The following DLGAP1 variants were observed in gnomAD, a reference collection of about 807,000 sequenced individuals.
DLGAP1 encodes DLG associated protein 1, also known as disks large-associated protein 1.
Under a neutral mutation model 90.8 loss-of-function variants are expected in DLGAP1, and 11 were observed. The observed-to-expected ratio is 0.12, with a 90% confidence interval of 0.08 to 0.20. The LOEUF is 0.20. DLGAP1 is among the 10% of genes least tolerant of loss of function. The pLI is 1.00. For synonymous variants in DLGAP1, 558 were observed against 540.7 expected (o/e 1.03, Z -0.44); for missense variants, 1,050 against 1,333.8 (o/e 0.79, Z 3.31).
chr18:4,177,128 C>T (rs779718929), intron 1 of DLGAP1, among the ~76,000 whole-genome samples: 4 of 152,040 alleles, frequency 2.6e-5, no homozygotes, highest in East Asian at 1.9e-4. Context: ...GCAGATTGTG[C>T]GAGGCTCCCT....
chr18:4,207,249 C>T (rs922387593), intron 1 of DLGAP1, among the ~76,000 whole-genome samples: 3 of 152,160 alleles, frequency 2.0e-5, no homozygotes, highest in African/African-American at 7.2e-5. Context: ...GAAGCAAACA[C>T]ATCCCTCACA....
intron 4 of DLGAP1, among the ~76,000 whole-genome samples, chr18:3,831,524 A>G (rs969718575): frequency 2.0e-5 from 3 of 152,212 alleles, no homozygotes; most frequent in Non-Finnish European, 2.9e-5. Context: ...ATGTCTGCCA[A>G]TATAGAATTC....
At chr18:4,054,052 G>C (rs1480392358) in intron 2 of DLGAP1, among the ~76,000 whole-genome samples, 1 of 152,190 alleles carries the variant, frequency 6.6e-6, no homozygotes, top group Non-Finnish European at 1.5e-5. Context: ...TGAGGTCAAA[G>C]GGCAGTGTGA....
intron 1 of DLGAP1, among the ~76,000 whole-genome samples, chr18:4,161,622 T>G (rs2076847290): frequency 6.6e-6 from 1 of 152,134 alleles, no homozygotes; most frequent in Non-Finnish European, 1.5e-5. Context: ...TTTTAAAAAA[T>G]CAGGTTGGTG....
chr18:3,712,749 A>C (rs2061636639), intron 7 of DLGAP1, among the ~76,000 whole-genome samples: 1 of 152,206 alleles, frequency 6.6e-6, no homozygotes, highest in Non-Finnish European at 1.5e-5. Context: ...CATATGGGAA[A>C]ATGAAGGAGG....
At chr18:3,979,902 G>A (rs1007392718) in intron 3 of DLGAP1, among the ~76,000 whole-genome samples, 3 of 152,226 alleles carry the variant, frequency 2.0e-5, no homozygotes, top group Non-Finnish European at 4.4e-5. Flanking sequence ...TTGGGAAGCC[G>A]AGGCAGGTGG....
chr18:3,688,932 T>C (rs1418418882), intron 7 of DLGAP1, among the ~76,000 whole-genome samples: 2 of 152,184 alleles, frequency 1.3e-5, no homozygotes, highest in East Asian at 3.9e-4. Flanking sequence ...ATACTGGGAA[T>C]GCTGTCATGG....
chr18:4,329,291 G>A (rs2080895703), intron 1 of DLGAP1, among the ~76,000 whole-genome samples: 1 of 151,716 alleles, frequency 6.6e-6, no homozygotes, highest in African/African-American at 2.4e-5. Flanking sequence ...ATTACCCTGG[G>A]TCCTTTGTTA....
At chr18:4,266,010 A>G (rs2079123825) in intron 1 of DLGAP1, among the ~76,000 whole-genome samples, 1 of 152,058 alleles carries the variant, frequency 6.6e-6, no homozygotes, top group South Asian at 2.1e-4. Flanking sequence ...AACACTGAAT[A>G]GTTCAGTATG....
chr18:4,197,939 T>A (rs1164422697), intron 1 of DLGAP1, among the ~76,000 whole-genome samples: 1 of 152,020 alleles, frequency 6.6e-6, no homozygotes. Context: ...CCTATTCTTG[T>A]GGCCAGGCGC....
chr18:3,670,096 C>T lies in DLGAP1; in HGVS notation c.1591+59039G>A. Among the ~76,000 whole-genome samples the T allele has an allele frequency of 2.0e-5, 3 of 152,192 alleles. No homozygotes were observed. The Middle Eastern group carries it at 0.01, about 518-fold the overall frequency. On this transcript the variant is annotated intron_variant, in intron 7 of 12. Transcript: ENST00000315677. ...GATAGGAAAAGAGTATATTGTTTTA[C>T]AACAAAACAAAACAAAACAAACCCC...
At chr18:3,776,482 A>G (rs951548695) in intron 5 of DLGAP1, among the ~76,000 whole-genome samples, 2 of 152,120 alleles carry the variant, frequency 1.3e-5, no homozygotes, top group African/African-American at 2.4e-5. Context: ...GGCCTCTTGG[A>G]TGAACAAATG....
At chr18:4,072,467 T>C (rs11663523) in intron 2 of DLGAP1, among the ~76,000 whole-genome samples, 80,061 of 144,760 alleles carry the variant, frequency 0.55, 22,287 homozygotes, top group Non-Finnish European at 0.64. Flanking sequence ...ATTTTCAACA[T>C]CATTATCTTT....
At chr18:4,145,661 G>C (rs1360529854) in intron 2 of DLGAP1, among the ~76,000 whole-genome samples, 1 of 152,110 alleles carries the variant, frequency 6.6e-6, no homozygotes, top group Admixed American at 6.6e-5. Flanking sequence ...GATTTCTTTT[G>C]CCTCTGGGTA....
chr18:4,306,495 A>C (rs2080268435), intron 1 of DLGAP1, among the ~76,000 whole-genome samples: 1 of 151,186 alleles, frequency 6.6e-6, no homozygotes, highest in Non-Finnish European at 1.5e-5. Flanking sequence ...GAAGAAAATA[A>C]AGAAGAAAGG....
intron 2 of DLGAP1, among the ~76,000 whole-genome samples, chr18:4,017,660 A>C (rs2074544636): frequency 1.3e-5 from 2 of 152,176 alleles, no homozygotes; most frequent in Non-Finnish European, 2.9e-5. Context: ...TCCAGGGTGG[A>C]GCTCTCGCCC....
chr18:3,588,181 C>T (rs539919702), intron 7 of DLGAP1, among the ~76,000 whole-genome samples: 53 of 152,192 alleles, frequency 3.5e-4, no homozygotes, highest in East Asian at 1.7e-3. Context: ...TTTTTGGGGC[C>T]GGGCGCTGTG....
At chr18:3,503,633 C>T (rs1022701791) in intron 11 of DLGAP1, among the ~76,000 whole-genome samples, 6 of 152,186 alleles carry the variant, frequency 3.9e-5, no homozygotes, top group Admixed American at 6.5e-5. Flanking sequence ...GACTGTGAAA[C>T]TCCATGTCCT....
intron 4 of DLGAP1, among the ~76,000 whole-genome samples, chr18:3,853,124 T>TAA (rs1351500461): frequency 1.3e-5 from 2 of 152,110 alleles, no homozygotes; most frequent in Non-Finnish European, 2.9e-5. Flanking sequence ...TTTTTCTGAG[T>TAA]AAATTTTAAA....
Sources: gnomAD v4.1 joint callset for allele counts (sites outside exome capture counted in the v4.1 genomes callset) on GRCh38, gnomAD v4.1.1 for gene constraint, MANE v1.5 for transcripts, NCBI Gene and HGNC (gene_info 2026-07-23, HGNC 2026-07-21) for gene names.